CSMD1: variants seen among roughly 807,000 people sequenced by gnomAD.
CSMD1 encodes the protein CUB and Sushi multiple domains 1.
A neutral mutation model predicts 417.5 loss-of-function variants in CSMD1; 213 were observed. That is an observed-to-expected ratio of 0.51 (90% CI 0.46 to 0.57). CSMD1 has a LOEUF of 0.57. CSMD1 is among the 20% of genes least tolerant of loss of function. The probability of loss-of-function intolerance (pLI) is 0.00; values close to 1 mark genes in which losing one functional copy is unlikely to be tolerated. For missense variants in CSMD1, 6,923 were observed against 4,529.7 expected (o/e 1.53, Z -15.17); for synonymous variants, 2,862 against 1,736.8 (o/e 1.65, Z -16.11).
chr8:4,547,047 A>G (rs1041562555), intron 2 of CSMD1, among the ~76,000 whole-genome samples: 2 of 152,166 alleles, frequency 1.3e-5, no homozygotes, highest in Non-Finnish European at 2.9e-5. Context: ...CCAAATTCAT[A>G]CATCCAACTA....
intron 23 of CSMD1, among the ~76,000 whole-genome samples, chr8:3,310,710 G>T (rs551008895): frequency 6.6e-6 from 1 of 151,384 alleles, no homozygotes; most frequent in Non-Finnish European, 1.5e-5. Context: ...GGTGAGGGCC[G>T]CCCATGCTAA....
chr8:3,792,076 C>G (rs756674662), intron 5 of CSMD1, among the ~76,000 whole-genome samples: 1 of 152,106 alleles, frequency 6.6e-6, no homozygotes, highest in Admixed American at 6.6e-5. Context: ...CTATGTTTTC[C>G]TCCTTCAAGA....
intron 10 of CSMD1, among the ~76,000 whole-genome samples, chr8:3,499,624 G>A (rs568721920): frequency 6.6e-6 from 1 of 152,116 alleles, no homozygotes; most frequent in Admixed American, 6.5e-5. Context: ...AGGGTCTTGG[G>A]AGCATGCACT....
chr8:4,446,755 C>CTGTGTGTGTGTGTGTGTGTGTGTGTG (rs58002310), intron 2 of CSMD1, among the ~76,000 whole-genome samples: 5 of 132,948 alleles, frequency 3.8e-5, no homozygotes, highest in Admixed American at 1.5e-4. Context: ...GTGTGTGTGT[C>CTGTGTGTGTGTGTGTGTGTGTGTGTG]TGTGTGTGTG....
intron 2 of CSMD1, among the ~76,000 whole-genome samples, chr8:4,483,354 C>A (rs2959181): frequency 0.016 from 2,473 of 152,244 alleles, 61 homozygotes; most frequent in African/African-American, 0.057. Flanking sequence ...AACAAATACA[C>A]CAGTAGATAA....
chr8:4,206,398 A>G (rs1036017011), intron 3 of CSMD1, among the ~76,000 whole-genome samples: 6 of 151,834 alleles, frequency 4.0e-5, no homozygotes, highest in Non-Finnish European at 8.8e-5. Context: ...CCTGTCTCCA[A>G]CTGTTCAGTT....
chr8:3,761,380 A>T (rs992547283), intron 5 of CSMD1, among the ~76,000 whole-genome samples: 59 of 152,170 alleles, frequency 3.9e-4, no homozygotes, highest in African/African-American at 1.4e-3. Flanking sequence ...GCACACGTAT[A>T]TACTATCTGG....
intron 3 of CSMD1, among the ~76,000 whole-genome samples, chr8:4,190,110 T>C (rs1798928283): frequency 1.3e-5 from 2 of 151,758 alleles, no homozygotes; most frequent in African/African-American, 2.4e-5. Flanking sequence ...ATACAAAAAA[T>C]GAGCCGGGCG....
At chr8:3,496,213 C>T (rs1796358417) in intron 10 of CSMD1, among the ~76,000 whole-genome samples, 1 of 152,244 alleles carries the variant, frequency 6.6e-6, no homozygotes, top group Non-Finnish European at 1.5e-5. Flanking sequence ...GTTCCTCCCT[C>T]AGCTATGGCT....
intron 52 of CSMD1, among the ~76,000 whole-genome samples, chr8:3,015,593 G>A (rs72507667): frequency 0.036 from 5,455 of 151,892 alleles, 132 homozygotes; most frequent in African/African-American, 0.073. Flanking sequence ...CTCACATGGC[G>A]TCTTGTGAAA....
At chr8:4,000,843 T>C (rs1815612405) in intron 4 of CSMD1, among the ~76,000 whole-genome samples, 1 of 151,850 alleles carries the variant, frequency 6.6e-6, no homozygotes, top group South Asian at 2.1e-4. Flanking sequence ...AAGAAAAGAG[T>C]TCTAATACCT....
intron 50 of CSMD1, among the ~76,000 whole-genome samples, chr8:3,039,716 A>G (rs1488585991): frequency 6.6e-6 from 1 of 152,112 alleles, no homozygotes; most frequent in African/African-American, 2.4e-5. Flanking sequence ...TCACAGGCCT[A>G]AGGTCTTTCA....
At chr8:4,383,019 A>C (rs1287774682) in intron 3 of CSMD1, among the ~76,000 whole-genome samples, 4 of 152,196 alleles carry the variant, frequency 2.6e-5, no homozygotes, top group Non-Finnish European at 4.4e-5. Flanking sequence ...TTCAGTAAGA[A>C]TTGGTGGAAT....
chr8:3,593,225 A>T (rs1357907691), intron 8 of CSMD1, among the ~76,000 whole-genome samples: 1 of 152,348 alleles, frequency 6.6e-6, no homozygotes, highest in Admixed American at 6.5e-5. Flanking sequence ...AAGCTGGGTG[A>T]GGAGACAGAA....
intron 3 of CSMD1, among the ~76,000 whole-genome samples, chr8:4,068,324 G>A (rs1048854140): frequency 4.6e-5 from 7 of 152,130 alleles, no homozygotes; most frequent in South Asian, 2.1e-4. Flanking sequence ...GAGCTGTGAG[G>A]CCAGCATGAG....
chr8:3,996,855 A>G (rs1220796819), intron 5 of CSMD1, among the ~76,000 whole-genome samples: 1 of 152,236 alleles, frequency 6.6e-6, no homozygotes, highest in Non-Finnish European at 1.5e-5. Context: ...TTTGGAAAAC[A>G]AAGTGCAACT....
intron 5 of CSMD1, among the ~76,000 whole-genome samples, chr8:3,829,700 G>T (rs979427627): frequency 1.3e-5 from 2 of 152,114 alleles, no homozygotes; most frequent in Admixed American, 6.5e-5. Context: ...AGAAATATTT[G>T]GTTGAAAATC....
chr8:3,241,044 A>C, intron 26 of CSMD1, among the ~76,000 whole-genome samples: 1 of 148,792 alleles, frequency 6.7e-6, no homozygotes, highest in Non-Finnish European at 1.5e-5. Flanking sequence ...GAGTAGAGGT[A>C]TCTCATACTT....
intron 23 of CSMD1, among the ~76,000 whole-genome samples, chr8:3,308,887 C>A (rs978888680): frequency 9.9e-5 from 15 of 151,968 alleles, no homozygotes; most frequent in Non-Finnish European, 1.9e-4. Context: ...CCATGTCCAG[C>A]TAATTTTTTG....
Sources: gnomAD v4.1 joint callset for allele counts (sites outside exome capture counted in the v4.1 genomes callset) on GRCh38, gnomAD v4.1.1 for gene constraint, MANE v1.5 for transcripts, NCBI Gene and HGNC (gene_info 2026-07-23, HGNC 2026-07-21) for gene names.